Variants in NBPF20 observed in about 807,000 individuals in gnomAD.
NBPF20 encodes NBPF member 20, also known as NBPF family member NBPF20.
In NBPF20, 90 loss-of-function variants were observed where a neutral mutation model predicts 68.1. The ratio of observed to expected loss-of-function variants is 1.32; its 90% CI spans 1.11 to 1.58. NBPF20 has a LOEUF of 1.58. Ranked by LOEUF, NBPF20 falls within the 40% of genes most tolerant of loss-of-function variation. NBPF20 has a pLI of 0.00. For missense variants in NBPF20, 816 were observed against 601.2 expected, an observed-to-expected ratio of 1.36 and a Z score of -3.74; for synonymous variants, 290 against 228.1, an observed-to-expected ratio of 1.27 and a Z score of -2.45.
intron 7 of NBPF20, among the ~76,000 whole-genome samples, chr1:145,397,334 G>T (rs1278791327): frequency 6.6e-6 from 1 of 152,180 alleles, no homozygotes; most frequent in Non-Finnish European, 1.5e-5. Context: ...GATCCCTGAG[G>T]AATTGTCACA....
chr1:145,390,164 C>A, intron 13 of NBPF20, 48 bp from the exon 19 acceptor site: 1 of 22,576 alleles, frequency 4.4e-5, no homozygotes, highest in South Asian at 2.2e-4. Context: ...AAATCAGACA[C>A]AACAGAGCCC....
intron 8 of NBPF20, 64 bp downstream of exon 13, chr1:145,394,914 A>T: frequency 6.3e-7 from 1 of 1,588,894 alleles, no homozygotes; most frequent in South Asian, 1.1e-5. Context: ...ACAAGGCCCA[A>T]AGATTATGGG....
At chr1:145,404,696 G>A (rs1242763140) in intron 2 of NBPF20, among the ~76,000 whole-genome samples, 1 of 152,184 alleles carries the variant, frequency 6.6e-6, no homozygotes, top group African/African-American at 2.4e-5. Context: ...AGCTTTGCCT[G>A]TTGGGCCTCA....
intron 7 of NBPF20, among the ~76,000 whole-genome samples, chr1:145,398,454 C>G (rs1307165833): frequency 1.3e-5 from 2 of 152,016 alleles, no homozygotes; most frequent in African/African-American, 2.4e-5. Context: ...CATGGAAACT[C>G]AACAACCTGC....
At chr1:145,425,258 C>T in the NBPF20 span, among the ~76,000 whole-genome samples, 5 of 150,296 alleles carry the variant, frequency 3.3e-5, no homozygotes, top group Non-Finnish European at 7.4e-5. Flanking sequence ...CCCTCCGTCG[C>T]TCGCAACAAA....
exon 138 of NBPF20, chr1:145,291,600 C>T (rs782712680): frequency 8.7e-6 from 14 of 1,611,830 alleles, no homozygotes; most frequent in South Asian, 6.6e-5. Context: ...AACCTATTGT[C>T]CACGTAAAGG....
At chr1:145,394,948 G>T in intron 8 of NBPF20, 30 bp downstream of exon 13, 2 of 1,611,966 alleles carry the variant, frequency 1.2e-6, no homozygotes, top group Non-Finnish European at 1.7e-6. Flanking sequence ...ATGAACTGGA[G>T]CTTTATCACC....
At position 145,291,531 on chromosome 1, in the gene NBPF20, G is replaced by A. The variant is rs782175357; in HGVS notation, c.16936C>T (p.Gln5646Ter). 1.2e-6 allele frequency: 2 copies of A among 1,612,008 alleles called. No homozygotes were observed. Among genetic ancestry groups the A allele is most frequent in the Non-Finnish European group, 1.7e-6 (2 of 1,179,874 alleles). ...CTCGGCTTAGTAAGGGCTGTTTATTGTGGGAATATGACTCCCATCTGGAAC... is the reference window on the plus strand; with the variant it reads ...CTCGGCTTAGTAAGGGCTGTTTATTATGGGAATATGACTCCCATCTGGAAC... Residue 5646 changes from glutamine to a stop codon, truncating the protein, a stop_gained, in exon 138 of 138, where the codon CAA becomes TAA. Transcript: ENST00000369373. LOFTEE classifies it high-confidence loss of function.
chr1:145,398,067 C>T (rs1662348690), intron 7 of NBPF20, among the ~76,000 whole-genome samples: 1 of 152,110 alleles, frequency 6.6e-6, no homozygotes, highest in East Asian at 1.9e-4. Flanking sequence ...TACAGGAGCA[C>T]CCAGATTCAT....
the NBPF20 span, among the ~76,000 whole-genome samples, chr1:145,410,751 CATATATATATATACGT>C: frequency 2.6e-4 from 29 of 109,966 alleles, no homozygotes; most frequent in African/African-American, 8.9e-4. Flanking sequence ...TATATATATA[CATATATATATATACGT>C]ATATATATAT....
the NBPF20 span, among the ~76,000 whole-genome samples, chr1:145,410,751 C>CAT: frequency 9.6e-4 from 106 of 109,970 alleles, no homozygotes; most frequent in South Asian, 1.7e-3. Flanking sequence ...TATATATATA[C>CAT]ATATATATAT....
chr1:145,397,862 T>C (rs1242419501), intron 7 of NBPF20, among the ~76,000 whole-genome samples: 2 of 151,982 alleles, frequency 1.3e-5, no homozygotes, highest in Admixed American at 6.6e-5. Context: ...GAGACACACA[T>C]AGGCTCAAAC....
intron 137 of NBPF20, 110 bp from the exon 143 acceptor site, chr1:145,291,879 G>C (rs1255264025): frequency 5.0e-5 from 79 of 1,594,976 alleles, no homozygotes; most frequent in Middle Eastern, 2.3e-4. Context: ...AAAAAGGATA[G>C]ATCCATTAAT....
At chr1:145,417,220 G>A in the NBPF20 span, among the ~76,000 whole-genome samples, 4 of 151,098 alleles carry the variant, frequency 2.6e-5, no homozygotes, top group African/African-American at 9.7e-5. Context: ...AAACAGCAAA[G>A]ATAGCCTTTC....
At chr1:145,410,224 T>G (rs1662954524), upstream of NBPF20, among the ~76,000 whole-genome samples, 1 of 151,990 alleles carries the variant, frequency 6.6e-6, no homozygotes, top group African/African-American at 2.4e-5. Context: ...CTTATGGATA[T>G]GTACTGGTAT....
intron 7 of NBPF20, among the ~76,000 whole-genome samples, chr1:145,397,534 T>G (rs1478038223): frequency 3.9e-5 from 6 of 152,170 alleles, no homozygotes; most frequent in Non-Finnish European, 8.8e-5. Context: ...AAGCAAATGC[T>G]GAGAGATTTT....
intron 7 of NBPF20, among the ~76,000 whole-genome samples, chr1:145,396,765 T>C (rs1200328286): frequency 2.0e-5 from 3 of 150,076 alleles, no homozygotes; most frequent in Non-Finnish European, 4.4e-5. Flanking sequence ...TATATATATA[T>C]ATATATACAG....
chr1:145,409,982 C>T (rs1353654683), upstream of NBPF20, among the ~76,000 whole-genome samples: 11 of 151,968 alleles, frequency 7.2e-5, no homozygotes, highest in African/African-American at 2.7e-4. Flanking sequence ...AACAGCATCC[C>T]GCCCCTCAGG....
the NBPF20 span, among the ~76,000 whole-genome samples, chr1:145,422,749 G>A: frequency 6.6e-6 from 1 of 152,132 alleles, no homozygotes; most frequent in Admixed American, 6.5e-5. Flanking sequence ...CACACTCTGG[G>A]AGGCTTAAGT....
Sources: gnomAD v4.1 joint callset for allele counts (sites outside exome capture counted in the v4.1 genomes callset) on GRCh38, gnomAD v4.1.1 for gene constraint, MANE v1.5 for transcripts, NCBI Gene and HGNC (gene_info 2026-07-23, HGNC 2026-07-21) for gene names.